Variants in SUMF1 observed in about 807,000 individuals in gnomAD.
SUMF1 encodes sulfatase modifying factor 1.
Under a neutral mutation model 47.6 loss-of-function variants are expected in SUMF1, and 48 were observed. The observed-to-expected ratio is 1.01, with a 90% CI of 0.80 to 1.28. The LOEUF (loss-of-function observed/expected upper bound fraction) is 1.28. SUMF1 is among the 50% of genes most tolerant of loss of function. SUMF1 has a pLI of 0.00. For synonymous variants in SUMF1, 230 were observed against 192.1 expected, an observed-to-expected ratio of 1.20 and a Z score of -1.63; for missense variants, 571 against 485.4, an observed-to-expected ratio of 1.18 and a Z score of -1.66.
chr3:4,102,913 C>A (rs1489472183), intron 8 of SUMF1, among the ~76,000 whole-genome samples: 1 of 148,732 alleles, frequency 6.7e-6, no homozygotes, highest in Admixed American at 6.7e-5. Flanking sequence ...GATAGATGAA[C>A]AGAAACTTCT....
At chr3:4,195,063 G>A (rs986370484) in intron 8 of SUMF1, among the ~76,000 whole-genome samples, 1 of 152,048 alleles carries the variant, frequency 6.6e-6, no homozygotes, top group African/African-American at 2.4e-5. Flanking sequence ...AAATAAAACT[G>A]TATCATCAGC....
intron 8 of SUMF1, among the ~76,000 whole-genome samples, chr3:4,337,912 A>C (rs1699188816): frequency 6.6e-6 from 1 of 152,044 alleles, no homozygotes; most frequent in Non-Finnish European, 1.5e-5. Context: ...CCCTCCCAGT[A>C]AACCCCCAAT....
intron 8 of SUMF1, among the ~76,000 whole-genome samples, chr3:4,275,094 G>A (rs115827588): frequency 0.016 from 2,422 of 152,148 alleles, 59 homozygotes; most frequent in African/African-American, 0.055. Flanking sequence ...TTTTTGAGCA[G>A]TTGAAAATTA....
At chr3:4,444,925 A>G (rs1382756097) in intron 3 of SUMF1, among the ~76,000 whole-genome samples, 2 of 152,188 alleles carry the variant, frequency 1.3e-5, no homozygotes, top group Non-Finnish European at 2.9e-5. Flanking sequence ...GGGAGGGAGC[A>G]GATCTTGGCC....
chr3:4,444,581 T>C (rs556758481), intron 3 of SUMF1, among the ~76,000 whole-genome samples: 1 of 152,210 alleles, frequency 6.6e-6, no homozygotes, highest in African/African-American at 2.4e-5. Flanking sequence ...TTAGTATTAT[T>C]GAGACCACTG....
Position 4,417,164 on chromosome 3 carries a change from G to C in SUMF1, c.804C>G (p.Thr268=), listed in dbSNP as rs949880533. 1 of 1,613,758 alleles carries C rather than the reference G, an allele frequency of 6.2e-7. No individual in the cohort carries two copies. The highest frequency in any genetic ancestry group is 1.3e-5 in the African/African-American group (1 of 74,886). The part of the protein sequence containing the change: ...ANIWQGEFPV[T]NTGEDGFQGT... ...CTTGGAAGCCATCCTCACCAGTGTTGGTCACCGGAAACTCGCCCTGCCAAA... is the reference window on the plus strand; with the variant it reads ...CTTGGAAGCCATCCTCACCAGTGTTCGTCACCGGAAACTCGCCCTGCCAAA... Residue 268 remains threonine, a synonymous_variant, in exon 6 of 9, where the codon ACC becomes ACG. Transcript: ENST00000272902.
rs12636423 is a variant in SUMF1 at position 4,402,756 on chromosome 3, T to G, written c.954+8109A>C. Among the ~76,000 whole-genome samples the G allele has an allele frequency of 1.1e-3, 164 of 152,040 alleles. 2 individuals are homozygous for G. Among genetic ancestry groups the G allele is most frequent in the East Asian group, 7.1e-3 (37 of 5,182 alleles). ...AAACAAAATAAAATCTCATGGAGAG[T>G]TGAGATAGGCATTGCATGAAGTTTC... On this transcript the variant is annotated intron_variant, in intron 7 of 8. Transcript: ENST00000272902.
At chr3:4,167,363 C>T (rs1008154687) in intron 8 of SUMF1, among the ~76,000 whole-genome samples, 2 of 152,078 alleles carry the variant, frequency 1.3e-5, no homozygotes, top group East Asian at 3.9e-4. Context: ...TCCAATCCTC[C>T]CTGTGACTGG....
At chr3:4,103,134 G>T (rs1298622670) in intron 8 of SUMF1, among the ~76,000 whole-genome samples, 1 of 151,524 alleles carries the variant, frequency 6.6e-6, no homozygotes, top group Non-Finnish European at 1.5e-5. Context: ...TGTTGGCCAG[G>T]CTGATCTCGA....
chr3:4,103,205 G>A (rs1302752118), intron 8 of SUMF1, among the ~76,000 whole-genome samples: 2 of 151,306 alleles, frequency 1.3e-5, no homozygotes, highest in African/African-American at 2.4e-5. Context: ...TTATAGGCAT[G>A]AGCCACTGTG....
chr3:4,302,466 A>G (rs528404806), intron 8 of SUMF1, among the ~76,000 whole-genome samples: 10 of 111,120 alleles, frequency 9.0e-5, no homozygotes, highest in Non-Finnish European at 1.8e-4. Flanking sequence ...TGAAGCCTCC[A>G]AGAGGTAAAT....
At chr3:4,093,422 C>T (rs1162154895) in intron 8 of SUMF1, among the ~76,000 whole-genome samples, 1 of 151,858 alleles carries the variant, frequency 6.6e-6, no homozygotes, top group Non-Finnish European at 1.5e-5. Flanking sequence ...CATATTGTAC[C>T]AAAGCTTTGC....
chr3:4,179,161 T>G (rs190331929), intron 8 of SUMF1, among the ~76,000 whole-genome samples: 2 of 152,264 alleles, frequency 1.3e-5, no homozygotes, highest in Middle Eastern at 3.4e-3. Context: ...CCGCTGACTT[T>G]CTTCACAGAA....
intron 8 of SUMF1, among the ~76,000 whole-genome samples, chr3:4,190,873 GT>G (rs1165808186): frequency 6.6e-6 from 1 of 152,084 alleles, no homozygotes; most frequent in Non-Finnish European, 1.5e-5. Flanking sequence ...GGTCTACTAT[GT>G]CCCCACTATA....
At chr3:4,326,048 C>T (rs565708328) in intron 8 of SUMF1, among the ~76,000 whole-genome samples, 3 of 152,294 alleles carry the variant, frequency 2.0e-5, no homozygotes, top group African/African-American at 7.2e-5. Flanking sequence ...TCTTGAACTC[C>T]TGACCTCAGG....
chr3:4,362,569 A>C (rs1471326073), intron 8 of SUMF1, among the ~76,000 whole-genome samples: 1 of 152,248 alleles, frequency 6.6e-6, no homozygotes, highest in African/African-American at 2.4e-5. Flanking sequence ...AAAAGTAAGC[A>C]GCCATTGAAA....
At chr3:4,096,658 G>T (rs2600108) in intron 8 of SUMF1, among the ~76,000 whole-genome samples, 3,839 of 152,134 alleles carry the variant, frequency 0.025, 72 homozygotes, top group Non-Finnish European at 0.041. Context: ...ATGGTCATCA[G>T]GAAGACACAT....
intron 8 of SUMF1, among the ~76,000 whole-genome samples, chr3:4,170,913 A>G (rs1353418164): frequency 6.6e-6 from 1 of 152,180 alleles, no homozygotes; most frequent in Non-Finnish European, 1.5e-5. Context: ...TCACTGTTGC[A>G]TGAACTACAT....
chr3:4,298,520 A>G (rs1697904393), intron 8 of SUMF1, among the ~76,000 whole-genome samples: 1 of 152,246 alleles, frequency 6.6e-6, no homozygotes, highest in African/African-American at 2.4e-5. Context: ...GATCCTTCAA[A>G]AAAATTTTCC....
Sources: allele counts gnomAD v4.1 joint callset (sites outside exome capture counted in the v4.1 genomes callset), GRCh38; gene constraint gnomAD v4.1.1; transcripts MANE v1.5; gene names NCBI Gene and HGNC (gene_info 2026-07-23, HGNC 2026-07-21).